UBE2E3: variants seen among roughly 807,000 people sequenced by gnomAD.
The protein encoded by UBE2E3 is ubiquitin-conjugating enzyme E2 E3.
A neutral mutation model predicts 23.6 loss-of-function variants in UBE2E3; 5 were observed. That is an observed-to-expected ratio of 0.21 (90% confidence interval 0.11 to 0.44). The LOEUF is 0.44. UBE2E3 is among the 20% of genes least tolerant of loss of function. The pLI is 0.99. For synonymous variants in UBE2E3, 78 were observed against 87.5 expected (o/e 0.89, Z 0.60); for missense variants, 81 against 249.8 (o/e 0.32, Z 4.55).
chr2:181,055,564 A>C (rs1686965896), intron 3 of UBE2E3, among the ~76,000 whole-genome samples: 1 of 151,794 alleles, frequency 6.6e-6, no homozygotes. Flanking sequence ...TTTAGCCTTC[A>C]CTTGTCCTAA....
chr2:180,987,215 C>A, intron 3 of UBE2E3: 2 of 1,036,726 alleles, frequency 1.9e-6, no homozygotes, highest in Non-Finnish European at 2.8e-6. Context: ...ATAATTTATA[C>A]ATCAATGAGA....
At chr2:180,997,280 T>C (rs1684853857) in intron 3 of UBE2E3, among the ~76,000 whole-genome samples, 1 of 152,052 alleles carries the variant, frequency 6.6e-6, no homozygotes. Flanking sequence ...TTTTGTGTCT[T>C]ATATTTCTTT....
chr2:181,038,737 T>G (rs1184812875), intron 3 of UBE2E3, among the ~76,000 whole-genome samples: 2 of 152,148 alleles, frequency 1.3e-5, no homozygotes, highest in Admixed American at 6.5e-5. Flanking sequence ...CATACAAGTC[T>G]TATATCTTAA....
intron 3 of UBE2E3, among the ~76,000 whole-genome samples, chr2:181,022,890 A>T (rs985882435): frequency 6.6e-6 from 1 of 151,910 alleles, no homozygotes; most frequent in African/African-American, 2.4e-5. Context: ...TTTTTGGCTT[A>T]CAAATACCAG....
At chr2:181,019,738 G>A (rs1685613455) in intron 3 of UBE2E3, among the ~76,000 whole-genome samples, 2 of 151,952 alleles carry the variant, frequency 1.3e-5, no homozygotes, top group African/African-American at 4.8e-5. Flanking sequence ...TGATATTTTG[G>A]TATGTATATT....
At chr2:180,986,671 T>C (rs1396215669) in intron 3 of UBE2E3, among the ~76,000 whole-genome samples, 1 of 152,136 alleles carries the variant, frequency 6.6e-6, no homozygotes, top group East Asian at 1.9e-4. Context: ...CTGAGATCTA[T>C]GAAACCTAAT....
intron 3 of UBE2E3, among the ~76,000 whole-genome samples, chr2:181,032,547 G>T (rs1182534045): frequency 6.6e-6 from 1 of 152,030 alleles, no homozygotes; most frequent in African/African-American, 2.4e-5. Flanking sequence ...TTTCTCATTT[G>T]TCAGTGTCTC....
intron 3 of UBE2E3, among the ~76,000 whole-genome samples, chr2:181,041,264 T>G (rs1686494460): frequency 1.5e-5 from 2 of 132,170 alleles, no homozygotes; most frequent in African/African-American, 5.2e-5. Flanking sequence ...GATAGATTTT[T>G]TTTTTCTTCA....
chr2:180,994,793 A>G (rs911834262), intron 3 of UBE2E3, among the ~76,000 whole-genome samples: 3 of 152,338 alleles, frequency 2.0e-5, no homozygotes, highest in Non-Finnish European at 4.4e-5. Flanking sequence ...TTAAGAATCC[A>G]CAAAATATAT....
Position 181,019,466 on chromosome 2 carries a change from C to T in UBE2E3, c.245+35373C>T, listed in dbSNP as rs549056119. Among the ~76,000 whole-genome samples, 9 of 152,150 alleles carry T rather than the reference C, an allele frequency of 5.9e-5. No individual in the cohort carries two copies. The South Asian group carries it at 1.2e-3, about 21-fold the overall frequency. Reference sequence around the variant, plus strand: ...GTGTTCAGTGTCATTTTTAACTTGGCGGTTGTTTCATCTTGTTACTTTGGA... The same window carrying T: ...GTGTTCAGTGTCATTTTTAACTTGGTGGTTGTTTCATCTTGTTACTTTGGA... On this transcript the variant is annotated intron_variant, in intron 3 of 5. Transcript: ENST00000410062.
Position 180,998,312 on chromosome 2 carries a change from A to G in UBE2E3, c.245+14219A>G, listed in dbSNP as rs562545383. On this transcript the variant is annotated intron_variant, in intron 3 of 5. Transcript: ENST00000410062. ...AGATTGTATAATCAACAATTACCCA[A>G]AGCAGAGATTCTGATTTAGTAGGCC... Among the ~76,000 whole-genome samples the G allele has an allele frequency of 4.6e-5, 7 of 152,134 alleles. No homozygotes were observed. In the South Asian group the frequency reaches 1.2e-3, roughly 27 times the overall value.
chr2:181,031,729 C>G (rs1357979329), intron 3 of UBE2E3, among the ~76,000 whole-genome samples: 1 of 152,056 alleles, frequency 6.6e-6, no homozygotes, highest in Non-Finnish European at 1.5e-5. Context: ...TCTTTACACC[C>G]ATTTTTGGAG....
At chr2:180,984,792 A>C (rs1042814650) in intron 3 of UBE2E3, among the ~76,000 whole-genome samples, 2 of 152,196 alleles carry the variant, frequency 1.3e-5, no homozygotes, top group African/African-American at 4.8e-5. Context: ...AAGATACATT[A>C]AAAGTAGCTG....
chr2:181,006,270 A>T (rs1052962456), intron 3 of UBE2E3, among the ~76,000 whole-genome samples: 8 of 152,120 alleles, frequency 5.3e-5, no homozygotes, highest in African/African-American at 1.7e-4. Flanking sequence ...AGCTGGCATT[A>T]GGTTTAAGGC....
chr2:180,990,051 GT>G (rs1320877047), intron 3 of UBE2E3: 2 of 1,364,640 alleles, frequency 1.5e-6, no homozygotes, highest in Admixed American at 4.6e-5. Flanking sequence ...ATTTTGACAG[GT>G]AAGTATATTT....
intron 2 of UBE2E3, among the ~76,000 whole-genome samples, chr2:180,983,081 C>G (rs1430103853): frequency 1.3e-5 from 2 of 152,116 alleles, no homozygotes; most frequent in African/African-American, 4.8e-5. Context: ...TCCACAAACT[C>G]TAGTAATTAT....
At chr2:181,059,922 A>C (rs1019317795) in intron 4 of UBE2E3, among the ~76,000 whole-genome samples, 1 of 151,224 alleles carries the variant, frequency 6.6e-6, no homozygotes, top group Non-Finnish European at 1.5e-5. Flanking sequence ...TTTCTCGGCA[A>C]CTCCAATTAT....
chr2:181,051,375 TCTC>T (rs1686840975), intron 3 of UBE2E3, among the ~76,000 whole-genome samples: 1 of 151,846 alleles, frequency 6.6e-6, no homozygotes, highest in African/African-American at 2.4e-5. Flanking sequence ...TTGGATATCT[TCTC>T]ATTTTTAATA....
At chr2:180,982,437 C>G (rs1300363883) in intron 2 of UBE2E3, among the ~76,000 whole-genome samples, 1 of 152,176 alleles carries the variant, frequency 6.6e-6, no homozygotes, top group Non-Finnish European at 1.5e-5. Context: ...AAACTTAATT[C>G]TGTACTTCGG....
Sources: gnomAD v4.1 joint callset for allele counts (sites outside exome capture counted in the v4.1 genomes callset) on GRCh38, gnomAD v4.1.1 for gene constraint, MANE v1.5 for transcripts, NCBI Gene and HGNC (gene_info 2026-07-23, HGNC 2026-07-21) for gene names.